The following NBAS variants were observed in gnomAD, a reference collection of about 807,000 sequenced individuals.
The protein encoded by NBAS is NAG/BC035112 fusion.
A neutral mutation model predicts 302.5 loss-of-function variants in NBAS; 219 were observed. The observed-to-expected ratio is 0.72, with a 90% CI of 0.65 to 0.81. The LOEUF is 0.81. Among genes scored for constraint, NBAS ranks in the 30% least tolerant of loss-of-function variants. NBAS has a pLI of 0.00. For missense variants in NBAS, 2,932 were observed against 2,841.6 expected, an observed-to-expected ratio of 1.03 and a Z score of -0.72; for synonymous variants, 1,118 against 1,021.6, an observed-to-expected ratio of 1.09 and a Z score of -1.80.
the NBAS span, among the ~76,000 whole-genome samples, chr2:14,888,691 T>C: frequency 1.8e-4 from 27 of 152,302 alleles, no homozygotes; most frequent in East Asian, 2.7e-3. Context: ...GTTCAAAGCT[T>C]CTAGAGCCCA....
At chr2:15,034,907 G>T in the NBAS span, among the ~76,000 whole-genome samples, 1 of 152,032 alleles carries the variant, frequency 6.6e-6, no homozygotes, top group Admixed American at 6.5e-5. Flanking sequence ...CAAACACTTC[G>T]TTGGGGGGTA....
chr2:14,909,098 C>T, the NBAS span, among the ~76,000 whole-genome samples: 6 of 151,954 alleles, frequency 3.9e-5, no homozygotes, highest in East Asian at 9.6e-4. Flanking sequence ...TTTGGGAGGC[C>T]GAGGCGGGCG....
intron 28 of NBAS, among the ~76,000 whole-genome samples, chr2:15,388,037 T>C (rs1173152453): frequency 6.6e-6 from 1 of 152,176 alleles, no homozygotes; most frequent in Non-Finnish European, 1.5e-5. Context: ...TGTGCAACTC[T>C]CAAATGAATA....
intron 32 of NBAS, among the ~76,000 whole-genome samples, chr2:15,362,353 T>G (rs1673975966): frequency 8.7e-6 from 1 of 115,400 alleles, no homozygotes; most frequent in Admixed American, 9.3e-5. Flanking sequence ...AGAAAAATGT[T>G]TCTAATTAGC....
chr2:14,888,041 A>C, the NBAS span, among the ~76,000 whole-genome samples: 5,774 of 152,304 alleles, frequency 0.038, 136 homozygotes, highest in Non-Finnish European at 0.051. Context: ...GCTCCCCAAG[A>C]CAAGTGATCT....
intron 50 of NBAS, among the ~76,000 whole-genome samples, chr2:15,181,329 A>G (rs548581910): frequency 2.7e-4 from 41 of 152,358 alleles, no homozygotes; most frequent in African/African-American, 9.6e-4. Flanking sequence ...GATGGCACAC[A>G]GAGAGGCAAG....
the NBAS span, among the ~76,000 whole-genome samples, chr2:15,018,855 T>C: frequency 1.0e-3 from 153 of 152,330 alleles, no homozygotes; most frequent in African/African-American, 3.5e-3. Context: ...TTGTTTTGCA[T>C]AGATTCTTTT....
the NBAS span, among the ~76,000 whole-genome samples, chr2:15,121,220 T>G: frequency 6.6e-6 from 1 of 152,204 alleles, no homozygotes; most frequent in Non-Finnish European, 1.5e-5. Context: ...TTTGACATCC[T>G]GAAGAACAAG....
At chr2:14,873,186 G>A in the NBAS span, among the ~76,000 whole-genome samples, 1 of 152,138 alleles carries the variant, frequency 6.6e-6, no homozygotes, top group Non-Finnish European at 1.5e-5. Context: ...ACAGAGAGCT[G>A]ATTGGTCCAT....
chr2:15,266,331 T>C (rs1669075351), intron 44 of NBAS, among the ~76,000 whole-genome samples: 1 of 152,160 alleles, frequency 6.6e-6, no homozygotes. Context: ...ACGGCTACAA[T>C]TAAAAACTAA....
At chr2:15,323,906 T>C (rs961710385) in intron 38 of NBAS, among the ~76,000 whole-genome samples, 32 of 99,494 alleles carry the variant, frequency 3.2e-4, no homozygotes, top group African/African-American at 1.4e-3. Context: ...CTCCACAGTT[T>C]CTGAAAAAAA....
the NBAS span, among the ~76,000 whole-genome samples, chr2:15,083,842 G>A: frequency 1.3e-5 from 2 of 152,126 alleles, no homozygotes; most frequent in African/African-American, 4.8e-5. Context: ...AGACCAGCAT[G>A]TCATTCTCAG....
intron 46 of NBAS, 72 bp from the exon 47 acceptor site, chr2:15,232,583 C>A: frequency 1.4e-6 from 2 of 1,410,144 alleles, no homozygotes; most frequent in African/African-American, 1.4e-5. Context: ...GTATTCACAC[C>A]CTTAAATGAA....
At chr2:14,940,473 A>G in the NBAS span, among the ~76,000 whole-genome samples, 1 of 152,046 alleles carries the variant, frequency 6.6e-6, no homozygotes, top group Admixed American at 6.6e-5. Context: ...CTGTGAGCCA[A>G]TTCAACTTCT....
chr2:14,845,334 C>T, the NBAS span, among the ~76,000 whole-genome samples: 2 of 152,320 alleles, frequency 1.3e-5, no homozygotes, highest in African/African-American at 4.8e-5. Context: ...TCTGCAAGAA[C>T]CACAGTGTTA....
intron 11 of NBAS, among the ~76,000 whole-genome samples, chr2:15,489,858 T>C (rs1680782178): frequency 6.6e-6 from 1 of 152,196 alleles, no homozygotes; most frequent in South Asian, 2.1e-4. Flanking sequence ...TGGACAGCTA[T>C]TTCCCATTCA....
intron 48 of NBAS, among the ~76,000 whole-genome samples, chr2:15,205,369 A>G (rs1274633370): frequency 6.6e-6 from 1 of 151,622 alleles, no homozygotes; most frequent in Admixed American, 6.6e-5. Flanking sequence ...CACAAAAGAA[A>G]CAACAACAAC....
At chr2:15,221,110 TA>T (rs1666931230) in intron 47 of NBAS, among the ~76,000 whole-genome samples, 1 of 152,172 alleles carries the variant, frequency 6.6e-6, no homozygotes, top group Non-Finnish European at 1.5e-5. Context: ...AATTAGGGTG[TA>T]AAAATAGGAT....
At chr2:15,327,980 C>T in intron 37 of NBAS, 110 bp from the exon 38 acceptor site, 1 of 1,441,182 alleles carries the variant, frequency 6.9e-7, no homozygotes, top group South Asian at 1.2e-5. Context: ...TGAATAATAA[C>T]TGCTCACAAA....
Sources: gnomAD v4.1 joint callset for allele counts (sites outside exome capture counted in the v4.1 genomes callset) on GRCh38, gnomAD v4.1.1 for gene constraint, MANE v1.5 for transcripts, NCBI Gene and HGNC (gene_info 2026-07-23, HGNC 2026-07-21) for gene names.